The following RANBP2 variants were observed in gnomAD, a reference collection of about 807,000 sequenced individuals.
The protein encoded by RANBP2 is E3 SUMO-protein ligase RanBP2.
RANBP2 carries 57 observed loss-of-function variants against 303.6 expected under a neutral mutation model. The ratio of observed to expected loss-of-function variants is 0.19; its 90% CI spans 0.15 to 0.23. The LOEUF (loss-of-function observed/expected upper bound fraction) is 0.23, where lower values mean the gene tolerates loss of function less well. Ranked by LOEUF, RANBP2 falls within the 10% of genes least tolerant of loss-of-function variation. The pLI is 1.00. For missense variants in RANBP2, 3,138 were observed against 3,780.8 expected, an observed-to-expected ratio of 0.83 and a Z score of 4.46; for synonymous variants, 1,167 against 1,301.5, an observed-to-expected ratio of 0.90 and a Z score of 2.23.
At chr2:109,234,772 A>C in the RANBP2 span, among the ~76,000 whole-genome samples, 4 of 152,226 alleles carry the variant, frequency 2.6e-5, no homozygotes, top group Admixed American at 2.0e-4. Flanking sequence ...TTGCTGAAAC[A>C]AATTACATCT....
At chr2:109,564,853 T>A in the RANBP2 span, among the ~76,000 whole-genome samples, 2 of 152,248 alleles carry the variant, frequency 1.3e-5, no homozygotes, top group African/African-American at 4.8e-5. Flanking sequence ...TAATATTTTG[T>A]TAGCAGTTTA....
chr2:109,002,519 C>T, the RANBP2 span, among the ~76,000 whole-genome samples: 4 of 152,264 alleles, frequency 2.6e-5, no homozygotes, highest in Non-Finnish European at 4.4e-5. Flanking sequence ...TCCCCACTGC[C>T]CTTGGAATAA....
the RANBP2 span, among the ~76,000 whole-genome samples, chr2:109,409,136 T>G: frequency 6.6e-6 from 1 of 152,218 alleles, no homozygotes; most frequent in African/African-American, 2.4e-5. Context: ...TATTCCACTG[T>G]TTTGATCCAT....
the RANBP2 span, among the ~76,000 whole-genome samples, chr2:109,215,947 C>T: frequency 2.0e-5 from 3 of 152,218 alleles, no homozygotes; most frequent in Non-Finnish European, 2.9e-5. Context: ...CCAGCGGCCA[C>T]GTGAGCTGGG....
chr2:109,447,372 T>G, the RANBP2 span, among the ~76,000 whole-genome samples: 1 of 152,082 alleles, frequency 6.6e-6, no homozygotes, highest in East Asian at 1.9e-4. Flanking sequence ...ACGGTGCTAC[T>G]TCCCGTGGCC....
At chr2:108,956,338 G>A in the RANBP2 span, among the ~76,000 whole-genome samples, 1 of 152,230 alleles carries the variant, frequency 6.6e-6, no homozygotes, top group Non-Finnish European at 1.5e-5. Flanking sequence ...TATGATGCCT[G>A]TAGAGGTGTC....
the RANBP2 span, among the ~76,000 whole-genome samples, chr2:109,625,904 C>T: frequency 6.6e-6 from 1 of 152,034 alleles, no homozygotes; most frequent in East Asian, 1.9e-4. Context: ...TGGTTACCTC[C>T]GGGAGAAGGG....
At chr2:108,992,880 C>T in the RANBP2 span, among the ~76,000 whole-genome samples, 5 of 152,268 alleles carry the variant, frequency 3.3e-5, no homozygotes, top group South Asian at 6.2e-4. Context: ...TCCTAAAATG[C>T]GTTTGTCCCC....
chr2:108,999,535 A>G, the RANBP2 span, among the ~76,000 whole-genome samples: 1 of 152,150 alleles, frequency 6.6e-6, no homozygotes, highest in African/African-American at 2.4e-5. Flanking sequence ...TTATTGAGAG[A>G]CCAGGCTGCT....
chr2:109,016,736 G>T, the RANBP2 span, among the ~76,000 whole-genome samples: 3 of 152,206 alleles, frequency 2.0e-5, no homozygotes, highest in Admixed American at 2.0e-4. Context: ...GCCAGGCGAC[G>T]CCCAGGCAGG....
chr2:109,712,995 C>A, the RANBP2 span, among the ~76,000 whole-genome samples: 2 of 152,116 alleles, frequency 1.3e-5, no homozygotes, highest in African/African-American at 4.8e-5. Context: ...GAGAAAACTT[C>A]TGTTTGACGG....
chr2:108,888,555 C>T, the RANBP2 span, among the ~76,000 whole-genome samples: 3 of 151,810 alleles, frequency 2.0e-5, no homozygotes, highest in Non-Finnish European at 4.4e-5. Flanking sequence ...TTTTATGTTT[C>T]TGGGAATTTA....
the RANBP2 span, among the ~76,000 whole-genome samples, chr2:109,155,591 G>A: frequency 4.6e-5 from 7 of 152,170 alleles, no homozygotes; most frequent in South Asian, 2.1e-4. Flanking sequence ...CTGAGCCACC[G>A]TGCCTGGCCG....
chr2:109,197,329 G>C, the RANBP2 span, among the ~76,000 whole-genome samples: 160 of 152,200 alleles, frequency 1.1e-3, 3 homozygotes, highest in Admixed American at 0.01. Flanking sequence ...TGACACAGGA[G>C]GGGTTAAGAA....
At chr2:109,529,431 G>A in the RANBP2 span, among the ~76,000 whole-genome samples, 10 of 152,280 alleles carry the variant, frequency 6.6e-5, no homozygotes, top group Middle Eastern at 3.4e-3. Context: ...GCCGGAGGGT[G>A]GGGGCAGGGG....
chr2:108,778,543 C>T (rs955729957), intron 25 of RANBP2, among the ~76,000 whole-genome samples: 7 of 152,056 alleles, frequency 4.6e-5, no homozygotes, highest in Non-Finnish European at 7.4e-5. Flanking sequence ...TACTGTAGGC[C>T]CAGTTATGAC....
the RANBP2 span, among the ~76,000 whole-genome samples, chr2:109,416,210 C>T: frequency 6.6e-6 from 1 of 152,180 alleles, no homozygotes; most frequent in Non-Finnish European, 1.5e-5. Flanking sequence ...TCATGCCTTT[C>T]GAAGCCCTCC....
At chr2:109,079,470 C>T in the RANBP2 span, among the ~76,000 whole-genome samples, 2 of 152,142 alleles carry the variant, frequency 1.3e-5, no homozygotes, top group South Asian at 2.1e-4. Flanking sequence ...CTAACCCCTT[C>T]GTTGTTAAAG....
the RANBP2 span, chr2:108,839,284 C>G: frequency 6.2e-7 from 1 of 1,611,244 alleles, no homozygotes; most frequent in African/African-American, 1.3e-5. Flanking sequence ...CCTAAGGCAG[C>G]TAGATGCTGG....
Sources: allele counts gnomAD v4.1 joint callset (sites outside exome capture counted in the v4.1 genomes callset), GRCh38; gene constraint gnomAD v4.1.1; transcripts MANE v1.5; gene names NCBI Gene and HGNC (gene_info 2026-07-23, HGNC 2026-07-21).